The following IQSEC3 variants were observed in gnomAD, a reference collection of about 807,000 sequenced individuals.
IQSEC3 encodes the protein IQ motif and Sec7 domain ArfGEF 3, also known as IQ motif and SEC7 domain-containing protein 3.
In IQSEC3, 50 loss-of-function variants were observed where a neutral mutation model predicts 105.4. The ratio of observed to expected loss-of-function variants is 0.47; its 90% CI spans 0.38 to 0.60. IQSEC3 has a LOEUF of 0.60. Among genes scored for constraint, IQSEC3 ranks in the 20% least tolerant of loss-of-function variants. The probability of loss-of-function intolerance (pLI) is 0.00; values close to 1 mark genes in which losing one functional copy is unlikely to be tolerated. For missense variants in IQSEC3, 1,415 were observed against 1,630.0 expected, an observed-to-expected ratio of 0.87 and a Z score of 2.27; for synonymous variants, 708 against 746.0, an observed-to-expected ratio of 0.95 and a Z score of 0.83.
chr12:67,335 G>C lies in IQSEC3; in HGVS notation c.453G>C (p.Lys151Asn). 1 of 1,598,190 alleles carries C rather than the reference G, an allele frequency of 6.3e-7. No individual in the cohort carries two copies. Residue 151 changes from lysine (K) to asparagine (N), a missense_variant, in exon 1 of 14, where the codon AAG becomes AAC. By Grantham distance (94) the Lys-to-Asn change is moderately conservative. Around this residue, in one of 6 missense-constraint regions of IQSEC3, gnomAD observed 26 missense variants for 108.1 expected, o/e 0.24. Transcript: ENST00000538872. Reference protein sequence around the residue: ...HLGTQGAVTDKEKERPPSCCA... With the variant: ...HLGTQGAVTDNEKERPPSCCA... ...GGACACAAGGGGCCGTGACTGACAAGGAGAAGGAGCGTCCCCCGAGTTGCT... is the reference window on the plus strand; with the variant it reads ...GGACACAAGGGGCCGTGACTGACAACGAGAAGGAGCGTCCCCCGAGTTGCT...
At chr12:88,358 G>A (rs1266812681) in intron 1 of IQSEC3, among the ~76,000 whole-genome samples, 6 of 152,286 alleles carry the variant, frequency 3.9e-5, no homozygotes, top group African/African-American at 1.4e-4. Flanking sequence ...ATGAACATCT[G>A]AAAAACGTAC....
chr12:88,749 A>C (rs1364779687), intron 1 of IQSEC3, among the ~76,000 whole-genome samples: 1 of 152,184 alleles, frequency 6.6e-6, no homozygotes, highest in Non-Finnish European at 1.5e-5. Flanking sequence ...CAGTGAGCAA[A>C]GGAAATCTAC....
chr12:77,141 G>A (rs1863564681), intron 1 of IQSEC3, among the ~76,000 whole-genome samples: 1 of 152,278 alleles, frequency 6.6e-6, no homozygotes, highest in South Asian at 2.1e-4. Context: ...TACCCTGGAT[G>A]CTTCCGAACC....
chr12:137,813 G>A (rs1865828427), intron 3 of IQSEC3, among the ~76,000 whole-genome samples: 1 of 150,786 alleles, frequency 6.6e-6, no homozygotes, highest in South Asian at 2.1e-4. Flanking sequence ...CGCGCACCAG[G>A]ACACCCAGTT....
intron 1 of IQSEC3, among the ~76,000 whole-genome samples, chr12:76,351 C>A (rs1466060933): frequency 1.3e-5 from 2 of 152,228 alleles, no homozygotes; most frequent in Non-Finnish European, 2.9e-5. Flanking sequence ...GCAGGTGGTG[C>A]GCAGGCGTTT....
At chr12:86,357 G>A (rs1218779053) in intron 1 of IQSEC3, among the ~76,000 whole-genome samples, 1 of 152,114 alleles carries the variant, frequency 6.6e-6, no homozygotes, top group East Asian at 1.9e-4. Context: ...ATCACCTTTA[G>A]CCTATTTCCT....
At chr12:101,703 G>A (rs1864427460) in intron 2 of IQSEC3, among the ~76,000 whole-genome samples, 1 of 152,058 alleles carries the variant, frequency 6.6e-6, no homozygotes, top group Admixed American at 6.6e-5. Context: ...GCCTGTTTTT[G>A]TCTGTCTGTC....
intron 1 of IQSEC3, among the ~76,000 whole-genome samples, chr12:70,349 C>T (rs1209603144): frequency 2.0e-5 from 3 of 152,274 alleles, no homozygotes; most frequent in African/African-American, 4.8e-5. Flanking sequence ...CCTCCTTCAG[C>T]TGAGGGAGAC....
intron 3 of IQSEC3, among the ~76,000 whole-genome samples, chr12:131,673 T>C (rs1045209095): frequency 6.6e-6 from 1 of 152,142 alleles, no homozygotes; most frequent in South Asian, 2.1e-4. Flanking sequence ...CAGAGACAGA[T>C]GTCTTGCCTG....
At chr12:97,663 T>A (rs1473549761) in intron 1 of IQSEC3, among the ~76,000 whole-genome samples, 1 of 152,098 alleles carries the variant, frequency 6.6e-6, no homozygotes, top group Non-Finnish European at 1.5e-5. Context: ...GAAATTTTTT[T>A]AAATTAGCTG....
At chr12:107,402 CTTTTTTTTTTTTT>C (rs58053657) in intron 2 of IQSEC3, among the ~76,000 whole-genome samples, 5 of 75,986 alleles carry the variant, frequency 6.6e-5, no homozygotes, top group Non-Finnish European at 2.3e-5. Flanking sequence ...AGTCTGTTTT[CTTTTTTTTTTTTT>C]TTTTTTTTTT....
intron 3 of IQSEC3, among the ~76,000 whole-genome samples, chr12:134,928 T>A (rs1200530533): frequency 6.6e-6 from 1 of 151,892 alleles, no homozygotes; most frequent in Non-Finnish European, 1.5e-5. Flanking sequence ...GGAGTTCAAG[T>A]CCAGCCTGGC....
intron 1 of IQSEC3, among the ~76,000 whole-genome samples, chr12:73,059 T>C (rs1413444218): frequency 1.2e-4 from 2 of 16,204 alleles, no homozygotes; most frequent in African/African-American, 9.3e-5. Flanking sequence ...TATAAATAAA[T>C]AAATAAATAA....
At chr12:132,092 C>T (rs962945764) in intron 3 of IQSEC3, among the ~76,000 whole-genome samples, 1 of 152,056 alleles carries the variant, frequency 6.6e-6, no homozygotes, top group Non-Finnish European at 1.5e-5. Context: ...GGGCCCGAGG[C>T]AGGGAGACCC....
At chr12:133,805 G>C (rs1190010425) in intron 3 of IQSEC3, among the ~76,000 whole-genome samples, 5 of 151,712 alleles carry the variant, frequency 3.3e-5, no homozygotes, top group Admixed American at 6.6e-5. Context: ...TCAGCATCTG[G>C]CATTTGCTCC....
At chr12:166,006 C>T (rs1230277699) in intron 11 of IQSEC3, 116 bp downstream of exon 11, 7 of 1,163,728 alleles carry the variant, frequency 6.0e-6, no homozygotes, top group Middle Eastern at 2.9e-4. Flanking sequence ...GGACCCTCCC[C>T]GTGTCCAGGC....
At position 106,191 on chromosome 12, in the gene IQSEC3, C is replaced by T. The variant is rs374010748; in HGVS notation, c.623+6977C>T. Among the ~76,000 whole-genome samples the T allele has an allele frequency of 2.7e-4, 41 of 152,290 alleles. No homozygotes were observed. The East Asian group carries it at 6.8e-3, about 25-fold the overall frequency. ...CAAGGAAACTGAGGATCAGAGACAA[C>T]GAATGCCTTGAGCATGGTCCATGTG... On this transcript the variant is annotated intron_variant, in intron 2 of 13. Coordinates refer to ENST00000538872, the MANE Select transcript of IQSEC3 (RefSeq NM_001170738.2).
intron 2 of IQSEC3, among the ~76,000 whole-genome samples, chr12:120,276 G>GA (rs1865175440): frequency 6.6e-6 from 1 of 152,214 alleles, no homozygotes; most frequent in South Asian, 2.1e-4. Flanking sequence ...GAAAGGAGTG[G>GA]ATGGAAGGCA....
Position 138,931 on chromosome 12 carries a change from C to G in IQSEC3, c.1568C>G (p.Ala523Gly). Reference sequence around the variant, plus strand: ...ACGGTCCAGGCCCCCGCAGAGCCCGCGGCGGGCAAGGCCGAGCAGGGCGAG... The same window carrying G: ...ACGGTCCAGGCCCCCGCAGAGCCCGGGGCGGGCAAGGCCGAGCAGGGCGAG... ...AQTVQAPAEP[A>G]AGKAEQGETS... Residue 523 changes from alanine (A) to glycine (G), a missense_variant, in exon 4 of 14, where the codon GCG (alanine) becomes GGG (glycine). Around this residue, in one of 6 missense-constraint regions of IQSEC3, gnomAD observed 720 missense variants for 633.0 expected, o/e 1.14. Transcript: ENST00000538872. The surrounding 1 kb of genome is among the most constrained non-coding windows in gnomAD (Gnocchi z 7.1). 6.3e-7 allele frequency: 1 copy of G among 1,594,364 alleles called. No homozygotes were observed. The highest frequency in any genetic ancestry group is 8.5e-7 in the Non-Finnish European group (1 of 1,171,468).
Sources: allele counts gnomAD v4.1 joint callset (sites outside exome capture counted in the v4.1 genomes callset), GRCh38; gene constraint gnomAD v4.1.1; regional missense constraint gnomAD v4.1.1; non-coding constraint Gnocchi (gnomAD v3.1); transcripts MANE v1.5; gene names NCBI Gene and HGNC (gene_info 2026-07-23, HGNC 2026-07-21).